ELMOD3: variants seen among roughly 807,000 people sequenced by gnomAD.
ELMOD3 encodes the protein ELMO domain-containing protein 3.
A neutral mutation model predicts 47.4 loss-of-function variants in ELMOD3; 36 were observed. That is an observed-to-expected ratio of 0.76 (90% CI 0.58 to 1.00). The LOEUF (loss-of-function observed/expected upper bound fraction) is 1.00, where lower values mean the gene tolerates loss of function less well. Ranked by LOEUF, ELMOD3 falls within the 50% of genes least tolerant of loss-of-function variation. ELMOD3 has a pLI of 0.00. For missense variants in ELMOD3, 404 were observed against 463.8 expected (o/e 0.87, Z 1.18); for synonymous variants, 149 against 183.5 (o/e 0.81, Z 1.52).
intron 10 of ELMOD3, among the ~76,000 whole-genome samples, chr2:85,375,659 C>T (rs572290200): frequency 1.4e-4 from 22 of 152,320 alleles, no homozygotes; most frequent in African/African-American, 4.6e-4. Flanking sequence ...CACTTTCTAT[C>T]ATTGCTGTAA....
intron 10 of ELMOD3, 37 bp downstream of exon 10, chr2:85,371,599 C>G: frequency 3.1e-6 from 5 of 1,612,498 alleles, no homozygotes; most frequent in Non-Finnish European, 4.2e-6. Flanking sequence ...TTTTTCATGC[C>G]TCTGATTCCA....
chr2:85,371,808 C>A, intron 10 of ELMOD3: 1 of 395,508 alleles, frequency 2.5e-6, no homozygotes, highest in Non-Finnish European at 4.7e-6. Flanking sequence ...CTGAAGAGGG[C>A]AGATTACTTG....
intron 10 of ELMOD3, among the ~76,000 whole-genome samples, chr2:85,373,485 T>C (rs1684948056): frequency 6.6e-6 from 1 of 152,098 alleles, no homozygotes; most frequent in African/African-American, 2.4e-5. Context: ...GAAAACCTGC[T>C]AGACAAATTG....
In ELMOD3 at chr2:85,359,914, G is replaced by A. The variant is rs564833611; in HGVS notation, c.55-2272G>A. Among the ~76,000 whole-genome samples, 6 of 151,584 alleles carry A rather than the reference G, an allele frequency of 4.0e-5. No homozygotes were observed. The East Asian group carries it at 9.8e-4, about 25-fold the overall frequency. ...AGACCAGCCTGGGCAACCATATGTA[G>A]ACCCCATGGCTACATGGGCATGGTG... On this transcript the variant is annotated intron_variant, in intron 4 of 13. Transcript: ENST00000409013.
intron 11 of ELMOD3, among the ~76,000 whole-genome samples, chr2:85,384,599 A>G (rs1451392787): frequency 6.6e-6 from 1 of 151,892 alleles, no homozygotes; most frequent in East Asian, 1.9e-4. Context: ...TTTTATTTTT[A>G]TTTTTTAAAA....
At chr2:85,375,483 C>G (rs1225719600) in intron 10 of ELMOD3, among the ~76,000 whole-genome samples, 1 of 152,162 alleles carries the variant, frequency 6.6e-6, no homozygotes, top group East Asian at 1.9e-4. Context: ...TGACCCCATC[C>G]AGAGAGTTTT....
At chr2:85,385,734 C>T (rs998358805) in intron 11 of ELMOD3, among the ~76,000 whole-genome samples, 1 of 151,478 alleles carries the variant, frequency 6.6e-6, no homozygotes, top group Non-Finnish European at 1.5e-5. Context: ...AATGAGGAGG[C>T]ACTGCAGGGC....
chr2:85,364,809 A>ATCTATATATATATATATCTATATATATC, intron 6 of ELMOD3, among the ~76,000 whole-genome samples: 2 of 78,012 alleles, frequency 2.6e-5, no homozygotes, highest in African/African-American at 1.2e-4. Context: ...AAATACATAT[A>ATCTATATATATATATATCTATATATATC]TATATATATA....
rs147237597 is a variant in ELMOD3 at position 85,359,066 on chromosome 2, C to T, written c.54+1814C>T. Among the ~76,000 whole-genome samples, 483 of 152,268 alleles carry T rather than the reference C, an allele frequency of 3.2e-3. 2 individuals are homozygous for T. Among genetic ancestry groups the T allele is most frequent in the Non-Finnish European group, 5.6e-3 (378 of 68,034 alleles). On this transcript the variant is annotated intron_variant, in intron 4 of 13. Transcript: ENST00000409013. Reference sequence around the variant, plus strand: ...GTCTTTATGGCCATATAGTATCTCACTGAGTGAATGTGCTTTTATTTATGT... The same window carrying T: ...GTCTTTATGGCCATATAGTATCTCATTGAGTGAATGTGCTTTTATTTATGT...
At chr2:85,388,610 G>A (rs1686097649) in intron 11 of ELMOD3, among the ~76,000 whole-genome samples, 1 of 152,200 alleles carries the variant, frequency 6.6e-6, no homozygotes, top group South Asian at 2.1e-4. Context: ...TGTGGAGCCA[G>A]AAGACCTTCT....
At position 85,370,434 on chromosome 2, in the gene ELMOD3, A is replaced by AT. The variant is rs1219320900; in HGVS notation, c.360+604_360+605insT. Among the ~76,000 whole-genome samples, 4 of 151,832 alleles carry AT rather than the reference A, an allele frequency of 2.6e-5. No homozygotes were observed. The East Asian group carries it at 5.8e-4, about 22-fold the overall frequency. On this transcript the variant is annotated intron_variant, in intron 8 of 13. Transcript: ENST00000409013. ...CCTGTCTCCGTAAAAAAAAAAAAAA[A>AT]GCTGGGGAGCTTTCTGGGCCATATT...
chr2:85,387,523 G>A (rs148765758), intron 11 of ELMOD3, among the ~76,000 whole-genome samples: 2,161 of 152,134 alleles, frequency 0.014, 31 homozygotes, highest in Non-Finnish European at 0.026. Context: ...TTAGCTGGGC[G>A]TGGTGGCACG....
At chr2:85,369,672 G>C (rs559344384) in intron 7 of ELMOD3, 67 bp from the exon 8 acceptor site, 5 of 1,538,546 alleles carry the variant, frequency 3.2e-6, no homozygotes, top group Admixed American at 1.8e-5. Flanking sequence ...AAGTAGGAGG[G>C]CCTCAGTAAA....
chr2:85,377,328 A>C lies in ELMOD3; in HGVS notation c.608-16A>C. 12 of 1,575,032 alleles carry C rather than the reference A, an allele frequency of 7.6e-6. No individual in the cohort carries two copies. Among genetic ancestry groups the C allele is most frequent in the Non-Finnish European group, 1.0e-5 (12 of 1,162,152 alleles). ...GCTCGCTGCCACACCCTGTTTCCTC[A>C]CGGTCTCTGTTACAGGAGCGAATCC... On this transcript the variant is annotated splice_polypyrimidine_tract_variant and intron_variant, in intron 10 of 13. Transcript: ENST00000409013.
intron 7 of ELMOD3, 108 bp from the exon 8 acceptor site, chr2:85,369,631 A>C: frequency 8.7e-7 from 1 of 1,148,102 alleles, no homozygotes; most frequent in Non-Finnish European, 1.3e-6. Flanking sequence ...CTGATGTTCA[A>C]CTGGAAGCCA....
chr2:85,369,375 G>C (rs552321952), intron 7 of ELMOD3, among the ~76,000 whole-genome samples: 1 of 152,314 alleles, frequency 6.6e-6, no homozygotes, highest in African/African-American at 2.4e-5. Flanking sequence ...TGTAAGAAGG[G>C]AAAAGTGGAA....
rs970029267 is a variant in ELMOD3 at position 85,376,368 on chromosome 2, G to A, written c.608-976G>A. Among the ~76,000 whole-genome samples the A allele has an allele frequency of 1.3e-5, 2 of 152,176 alleles. No individual in the cohort carries two copies. Among genetic ancestry groups the A allele is most frequent in the African/African-American group, 4.8e-5 (2 of 41,440 alleles). ...CTGTGCCAGCAGGGGAAGGAGGGAC[G>A]TCACCATGTTACTGCCAGGTGGGGG... On this transcript the variant is annotated intron_variant, in intron 10 of 13. Transcript: ENST00000409013. The surrounding 1 kb of genome is among the most constrained non-coding windows in gnomAD (Gnocchi z 4.2).
intron 6 of ELMOD3, among the ~76,000 whole-genome samples, chr2:85,364,140 T>G (rs943792701): frequency 1.4e-5 from 2 of 146,252 alleles, no homozygotes; most frequent in Non-Finnish European, 3.0e-5. Flanking sequence ...AAAATACTCT[T>G]TTTTTTTTTT....
At chr2:85,365,286 G>A (rs1684300511) in intron 6 of ELMOD3, among the ~76,000 whole-genome samples, 1 of 151,380 alleles carries the variant, frequency 6.6e-6, no homozygotes, top group Non-Finnish European at 1.5e-5. Flanking sequence ...GGAGGCAGAG[G>A]TTGTAGTGAA....
Sources: allele counts gnomAD v4.1 joint callset (sites outside exome capture counted in the v4.1 genomes callset), GRCh38; gene constraint gnomAD v4.1.1; non-coding constraint Gnocchi (gnomAD v3.1); transcripts MANE v1.5; gene names NCBI Gene and HGNC (gene_info 2026-07-23, HGNC 2026-07-21).